WWTR1: variants seen among roughly 807,000 people sequenced by gnomAD.
WWTR1 encodes the protein WW domain containing transcription regulator 1, also known as WW domain-containing transcription regulator protein 1.
A neutral mutation model predicts 40.1 loss-of-function variants in WWTR1; 13 were observed. That is an observed-to-expected ratio of 0.32 (90% CI 0.21 to 0.52). The LOEUF (loss-of-function observed/expected upper bound fraction) is 0.52. Among genes scored for constraint, WWTR1 ranks in the 20% least tolerant of loss-of-function variants. The pLI, the probability that WWTR1 is intolerant of heterozygous loss-of-function variation, is 0.97. For missense variants in WWTR1, 436 were observed against 523.1 expected, an observed-to-expected ratio of 0.83 and a Z score of 1.63; for synonymous variants, 230 against 210.1, an observed-to-expected ratio of 1.09 and a Z score of -0.82.
chr3:149,699,120 G>C (rs985600826), intron 1 of WWTR1, among the ~76,000 whole-genome samples: 1 of 152,182 alleles, frequency 6.6e-6, no homozygotes, highest in Non-Finnish European at 1.5e-5. Flanking sequence ...ACATGGCAAG[G>C]CTACAAATTT....
At chr3:149,558,873 C>G (rs1736961797) in intron 3 of WWTR1, among the ~76,000 whole-genome samples, 1 of 152,020 alleles carries the variant, frequency 6.6e-6, no homozygotes, top group South Asian at 2.1e-4. Flanking sequence ...CATCCTGGGC[C>G]AGAAACAAAA....
chr3:149,577,307 G>A (rs889540346), intron 2 of WWTR1, among the ~76,000 whole-genome samples: 4 of 152,058 alleles, frequency 2.6e-5, no homozygotes, highest in South Asian at 2.1e-4. Flanking sequence ...CAGTTCCTAC[G>A]GGGAAGAAAA....
At position 149,518,330 on chromosome 3, in the gene WWTR1, C is replaced by T. The variant is rs1473779726; in HGVS notation, c.*2475G>A. 3 of 151,962 alleles carry T rather than the reference C, an allele frequency of 2.0e-5. No homozygotes were observed. The highest frequency in any genetic ancestry group is 4.4e-5 in the Non-Finnish European group (3 of 67,986). 9.4% of individuals were successfully genotyped at this position (151,962 alleles called of 1,614,324 possible). On this transcript the variant is annotated 3_prime_UTR_variant, in exon 7 of 7. Transcript: ENST00000360632. ...ATATAAATCATCAATGATTTACCTA[C>T]TTTAAAAAAGAGGGGTATCTGTTTC...
intron 2 of WWTR1, among the ~76,000 whole-genome samples, chr3:149,608,973 G>T (rs1337769308): frequency 6.6e-6 from 1 of 152,198 alleles, no homozygotes; most frequent in Non-Finnish European, 1.5e-5. Context: ...GGAGGCTGAG[G>T]TGGGAAGATT....
intron 5 of WWTR1, chr3:149,717,375 T>A (rs1444523815): frequency 1.3e-5 from 2 of 152,188 alleles, no homozygotes; most frequent in Admixed American, 6.5e-5. Flanking sequence ...ACAAAGACTA[T>A]TTTCAAGGAC....
chr3:149,636,167 C>T (rs1423762964), intron 2 of WWTR1, among the ~76,000 whole-genome samples: 1 of 152,206 alleles, frequency 6.6e-6, no homozygotes, highest in Non-Finnish European at 1.5e-5. Context: ...GGCAACACCA[C>T]TGAAAATGAA....
At chr3:149,604,497 T>C (rs1367757340) in intron 2 of WWTR1, among the ~76,000 whole-genome samples, 1 of 152,160 alleles carries the variant, frequency 6.6e-6, no homozygotes, top group Non-Finnish European at 1.5e-5. Context: ...ATTTAGAAAA[T>C]GCAGGAAGTG....
At chr3:149,666,422 AT>A in intron 2 of WWTR1, among the ~76,000 whole-genome samples, 1 of 152,198 alleles carries the variant, frequency 6.6e-6, no homozygotes, top group East Asian at 1.9e-4. Flanking sequence ...AAAAATATAT[AT>A]TTCTAGATAA....
At chr3:149,689,199 T>C (rs569940945) in intron 1 of WWTR1, among the ~76,000 whole-genome samples, 6 of 151,878 alleles carry the variant, frequency 4.0e-5, no homozygotes, top group African/African-American at 1.2e-4. Flanking sequence ...CTCGGCAACA[T>C]GGTGAAACCC....
intron 6 of WWTR1, among the ~76,000 whole-genome samples, chr3:149,523,066 A>T (rs1488701923): frequency 1.4e-4 from 4 of 28,656 alleles, no homozygotes; most frequent in South Asian, 7.4e-4. Flanking sequence ...ACCCCGTATT[A>T]AAAAAAAAAA....
intron 2 of WWTR1, among the ~76,000 whole-genome samples, chr3:149,667,179 G>C (rs775475845): frequency 1.3e-5 from 2 of 152,156 alleles, no homozygotes; most frequent in Non-Finnish European, 2.9e-5. Flanking sequence ...TACTTTTTAA[G>C]AGTTGTATTC....
intron 1 of WWTR1, among the ~76,000 whole-genome samples, chr3:149,681,538 T>G (rs1038515031): frequency 2.0e-5 from 3 of 152,216 alleles, no homozygotes; most frequent in African/African-American, 7.2e-5. Flanking sequence ...TTAGTTTTTT[T>G]GCTGTTGAGT....
At chr3:149,707,529 G>GA (rs1173731655), upstream of WWTR1, among the ~76,000 whole-genome samples, 3 of 151,512 alleles carry the variant, frequency 2.0e-5, no homozygotes, top group East Asian at 1.9e-4. Context: ...GATGTTTTAT[G>GA]AAAAAAAAGG....
chr3:149,553,075 A>G (rs1231831449), intron 3 of WWTR1, among the ~76,000 whole-genome samples: 1 of 152,222 alleles, frequency 6.6e-6, no homozygotes, highest in East Asian at 1.9e-4. Context: ...CTAGCATGGG[A>G]CTTTGGGACA....
chr3:149,719,235 C>T (rs1715689358), intron 4 of WWTR1, among the ~76,000 whole-genome samples: 1 of 150,946 alleles, frequency 6.6e-6, no homozygotes, highest in Non-Finnish European at 1.5e-5. Flanking sequence ...GTGGCATCAT[C>T]TTGGGGCTCA....
At chr3:149,640,106 G>A (rs754737434) in intron 2 of WWTR1, among the ~76,000 whole-genome samples, 14 of 151,598 alleles carry the variant, frequency 9.2e-5, no homozygotes, top group Non-Finnish European at 1.0e-4. Context: ...CCTTATTCAC[G>A]TAGCCCACTT....
chr3:149,636,362 G>T (rs1488677277), intron 2 of WWTR1, among the ~76,000 whole-genome samples: 1 of 152,142 alleles, frequency 6.6e-6, no homozygotes, highest in African/African-American at 2.4e-5. Flanking sequence ...ATTGGGAAAG[G>T]TTACGATCTT....
At chr3:149,562,052 T>C (rs1401457763) in intron 3 of WWTR1, among the ~76,000 whole-genome samples, 4 of 152,148 alleles carry the variant, frequency 2.6e-5, no homozygotes, top group African/African-American at 9.7e-5. Context: ...TCCCAACACT[T>C]TGGGGGCCGA....
intron 5 of WWTR1, among the ~76,000 whole-genome samples, chr3:149,711,122 G>T (rs1180117476): frequency 6.7e-6 from 1 of 150,030 alleles, no homozygotes; most frequent in Non-Finnish European, 1.5e-5. Flanking sequence ...ATGGGAAGGG[G>T]TGAAGAGGAG....
Sources: allele counts gnomAD v4.1 joint callset (sites outside exome capture counted in the v4.1 genomes callset), GRCh38; gene constraint gnomAD v4.1.1; transcripts MANE v1.5; gene names NCBI Gene and HGNC (gene_info 2026-07-23, HGNC 2026-07-21).